MBD5: variants seen among roughly 807,000 people sequenced by gnomAD.
MBD5 encodes methyl-CpG-binding domain protein 5.
A neutral mutation model predicts 117.3 loss-of-function variants in MBD5; 13 were observed. That is an observed-to-expected ratio of 0.11 (90% CI 0.07 to 0.18). The LOEUF (loss-of-function observed/expected upper bound fraction) is 0.18. Ranked by LOEUF, MBD5 falls within the 10% of genes least tolerant of loss-of-function variation. MBD5 has a pLI of 1.00. For missense variants in MBD5, 1,879 were observed against 2,093.8 expected (o/e 0.90, Z 2.00); for synonymous variants, 727 against 766.4 (o/e 0.95, Z 0.85).
Position 148,490,549 on chromosome 2 carries a change from A to G in MBD5, c.4917A>G (p.Glu1639=). ...CCTGGCCTGGAAAATTAGTAAGAGA[A>G]GACGACGTTCACAATTCATGTCAAC... ...LTSWPGKLVR[E]DDVHNSCQQS... Residue 1639 remains glutamate, a synonymous_variant, in exon 11 of 14, where the codon GAA becomes GAG. Transcript: ENST00000642680. The G allele has an allele frequency of 1.9e-6, 3 of 1,614,212 alleles. No individual in the cohort carries two copies. The highest frequency in any genetic ancestry group is 1.1e-5 in the South Asian group (1 of 91,082).
chr2:148,430,969 T>C (rs1705966115), intron 4 of MBD5, among the ~76,000 whole-genome samples: 1 of 152,142 alleles, frequency 6.6e-6, no homozygotes. Context: ...CTAGAATAAA[T>C]TTATACTGGC....
intron 11 of MBD5, among the ~76,000 whole-genome samples, chr2:148,494,419 A>T (rs1681630978): frequency 6.6e-6 from 1 of 152,046 alleles, no homozygotes; most frequent in South Asian, 2.1e-4. Flanking sequence ...AATGTTTCTA[A>T]AAAAAAACAA....
intron 1 of MBD5, among the ~76,000 whole-genome samples, chr2:148,174,157 A>G (rs1036786794): frequency 3.3e-5 from 5 of 152,218 alleles, no homozygotes; most frequent in African/African-American, 9.6e-5. Context: ...CCATGCATGT[A>G]TGGTCAATTG....
chr2:148,180,343 C>CATATATAAATATATATAT (rs1553481826), intron 2 of MBD5, among the ~76,000 whole-genome samples: 1 of 105,544 alleles, frequency 9.5e-6, no homozygotes, highest in South Asian at 3.3e-4. Context: ...AAAAATTATA[C>CATATATAAATATATATAT]ATATATATAT....
intron 2 of MBD5, among the ~76,000 whole-genome samples, chr2:148,197,795 TTTTTTTTTTTGTTTTTTTTTTTG>T: frequency 2.9e-5 from 1 of 34,814 alleles, no homozygotes; most frequent in African/African-American, 1.1e-4. Flanking sequence ...GCATCTGAGG[TTTTTTTTTTTGTTTTTTTTTTTG>T]TTTTTTTTTT....
At chr2:148,396,177 G>A (rs1252569693) in intron 4 of MBD5, among the ~76,000 whole-genome samples, 1 of 152,136 alleles carries the variant, frequency 6.6e-6, no homozygotes, top group East Asian at 1.9e-4. Context: ...AAGGGAACCA[G>A]TGATCTTCCA....
At chr2:148,225,535 A>G (rs1046230622) in intron 2 of MBD5, among the ~76,000 whole-genome samples, 1 of 152,074 alleles carries the variant, frequency 6.6e-6, no homozygotes, top group Non-Finnish European at 1.5e-5. Context: ...TTTCCTGTGT[A>G]TTTGCTATTA....
At chr2:148,400,079 C>T (rs1453168321) in intron 4 of MBD5, among the ~76,000 whole-genome samples, 1 of 151,990 alleles carries the variant, frequency 6.6e-6, no homozygotes, top group Non-Finnish European at 1.5e-5. Context: ...AGGATTTTTG[C>T]GTCGATGTTC....
chr2:148,070,372 T>C (rs1695318107), intron 1 of MBD5, among the ~76,000 whole-genome samples: 1 of 152,216 alleles, frequency 6.6e-6, no homozygotes, highest in Non-Finnish European at 1.5e-5. Context: ...TGTTTGCTAC[T>C]AGTAGGGCAG....
At chr2:148,202,867 T>G (rs1407153294) in intron 2 of MBD5, among the ~76,000 whole-genome samples, 1 of 151,758 alleles carries the variant, frequency 6.6e-6, no homozygotes, top group Non-Finnish European at 1.5e-5. Context: ...ATCTCTTAAA[T>G]AAATAAATAA....
intron 3 of MBD5, among the ~76,000 whole-genome samples, chr2:148,297,032 G>A (rs1353239676): frequency 6.6e-6 from 1 of 150,926 alleles, no homozygotes; most frequent in African/African-American, 2.4e-5. Flanking sequence ...CTGCCACCAC[G>A]CCCGACTAAT....
intron 3 of MBD5, among the ~76,000 whole-genome samples, chr2:148,308,182 G>T (rs547480160): frequency 2.6e-4 from 40 of 152,204 alleles, no homozygotes; most frequent in African/African-American, 8.7e-4. Context: ...GGGTCAAATG[G>T]TATTTCTAGT....
At chr2:148,228,077 C>G (rs1699883167) in intron 2 of MBD5, among the ~76,000 whole-genome samples, 1 of 152,204 alleles carries the variant, frequency 6.6e-6, no homozygotes, top group Admixed American at 6.5e-5. Flanking sequence ...TTGACTTCCT[C>G]TTTTCCTAAT....
At chr2:148,418,352 C>G (rs1283535382) in intron 4 of MBD5, among the ~76,000 whole-genome samples, 1 of 151,762 alleles carries the variant, frequency 6.6e-6, no homozygotes. Context: ...GGGTTTTCAT[C>G]ATAAATTTTT....
chr2:148,470,116 G>A lies in MBD5; in HGVS notation c.2173G>A (p.Ala725Thr), dbSNP rs747127657. The A allele has an allele frequency of 6.2e-7, 1 of 1,613,820 alleles. No homozygotes were observed. Reference protein sequence around the residue: ...LSSNSTPGCGASNTALPCSAN... With the variant: ...LSSNSTPGCGTSNTALPCSAN... Reference sequence around the variant, plus strand: ...TAGCAATAGTACCCCGGGTTGTGGGGCCTCAAATACTGCTTTGCCTTGCTC... The same window carrying A: ...TAGCAATAGTACCCCGGGTTGTGGGACCTCAAATACTGCTTTGCCTTGCTC... Residue 725 changes from alanine to threonine, a missense_variant, in exon 8 of 14, where the codon GCC (alanine) becomes ACC (threonine). Around this residue, in one of 4 missense-constraint regions of MBD5, gnomAD observed 1,666 missense variants for 1,792.2 expected, o/e 0.93. Coordinates refer to ENST00000642680, the MANE Select transcript of MBD5 (RefSeq NM_001378120.1).
At chr2:148,093,877 T>C (rs1696000741) in intron 1 of MBD5, among the ~76,000 whole-genome samples, 1 of 152,202 alleles carries the variant, frequency 6.6e-6, no homozygotes. Context: ...AGAAACTGAA[T>C]TGGAATAACA....
At chr2:148,142,939 C>T (rs917894464) in intron 1 of MBD5, among the ~76,000 whole-genome samples, 3 of 152,064 alleles carry the variant, frequency 2.0e-5, no homozygotes, top group Non-Finnish European at 1.5e-5. Context: ...ACTTTTGGGC[C>T]TATAATATTT....
Position 148,421,429 on chromosome 2 carries a change from C to T in MBD5, c.-556-36774C>T, listed in dbSNP as rs111972521. On this transcript the variant is annotated intron_variant, in intron 4 of 13. Transcript: ENST00000642680. ...CGCTTTTCCCATGGTCTTTGCAACC[C>T]GCAGACCAGGAGATTCTCTCAGTGC... Among the ~76,000 whole-genome samples, 632 of 152,258 alleles carry T rather than the reference C, an allele frequency of 4.2e-3. 5 individuals are homozygous for T. Among genetic ancestry groups the T allele is most frequent in the African/African-American group, 0.014 (588 of 41,558 alleles).
intron 3 of MBD5, among the ~76,000 whole-genome samples, chr2:148,238,895 T>C (rs935422017): frequency 6.6e-6 from 1 of 152,054 alleles, no homozygotes; most frequent in Non-Finnish European, 1.5e-5. Context: ...CTTAATTACA[T>C]CTATAAAGAC....
Sources: gnomAD v4.1 joint callset for allele counts (sites outside exome capture counted in the v4.1 genomes callset) on GRCh38, gnomAD v4.1.1 for gene constraint, gnomAD v4.1.1 regional missense constraint, MANE v1.5 for transcripts, NCBI Gene and HGNC (gene_info 2026-07-23, HGNC 2026-07-21) for gene names.